The following VPS13C variants were observed in gnomAD, a reference collection of about 807,000 sequenced individuals.
VPS13C encodes intermembrane lipid transfer protein VPS13C.
Under a neutral mutation model 456.8 loss-of-function variants are expected in VPS13C, and 358 were observed. The ratio of observed to expected loss-of-function variants is 0.78; its 90% confidence interval spans 0.72 to 0.86. VPS13C has a LOEUF of 0.86. VPS13C is among the 40% of genes least tolerant of loss of function. VPS13C has a pLI of 0.00. For synonymous variants in VPS13C, 1,578 were observed against 1,486.7 expected (o/e 1.06, Z -1.41); for missense variants, 4,818 against 4,385.4 (o/e 1.10, Z -2.79).
Position 61,929,700 on chromosome 15 carries a change from A to G in VPS13C, c.6087T>C (p.Asp2029=), listed in dbSNP as rs369339080. The change falls in exon 51 of 85, where the codon GAT becomes GAC. Residue 2029 remains aspartate, a synonymous_variant. Coordinates refer to ENST00000644861, the MANE Select transcript of VPS13C (RefSeq NM_020821.3). ...NDQDNNSSMI[D]ISYKQDKNGS... ...CATTTTTGTCTTGTTTGTAACTTAT[A>G]TCAATCATAGAACTGTTGTTATCTT... 1 of 1,613,808 alleles carries G rather than the reference A, an allele frequency of 6.2e-7. No homozygotes were observed.
chr15:61,889,444 T>C (rs1896512858), intron 67 of VPS13C, among the ~76,000 whole-genome samples: 1 of 152,146 alleles, frequency 6.6e-6, no homozygotes, highest in Admixed American at 6.5e-5. Flanking sequence ...TTGCTTTTCT[T>C]TCCCCAAACG....
At chr15:61,981,015 T>C (rs1244221868) in intron 22 of VPS13C, among the ~76,000 whole-genome samples, 2 of 152,196 alleles carry the variant, frequency 1.3e-5, no homozygotes, top group African/African-American at 4.8e-5. Context: ...AATTTCCTAT[T>C]GTCAAATTTA....
chr15:61,918,973 C>T (rs928898089), intron 58 of VPS13C, among the ~76,000 whole-genome samples: 1 of 151,984 alleles, frequency 6.6e-6, no homozygotes, highest in Non-Finnish European at 1.5e-5. Flanking sequence ...ACTACAATTA[C>T]AATAATCCTC....
intron 66 of VPS13C, among the ~76,000 whole-genome samples, chr15:61,899,722 A>G (rs892779380): frequency 1.9e-4 from 29 of 151,166 alleles, no homozygotes; most frequent in Non-Finnish European, 2.8e-4. Flanking sequence ...AAACTATTCC[A>G]ATCAACAGAA....
At chr15:61,971,763 G>A (rs989649522) in intron 27 of VPS13C, among the ~76,000 whole-genome samples, 2 of 152,206 alleles carry the variant, frequency 1.3e-5, no homozygotes, top group Admixed American at 1.3e-4. Flanking sequence ...TATTTTGGAT[G>A]TAGTATGGAG....
chr15:61,854,828 T>C (rs753763652), intron 84 of VPS13C, 43 bp downstream of exon 84: 37 of 1,542,172 alleles, frequency 2.4e-5, no homozygotes, highest in Non-Finnish European at 3.3e-5. Context: ...TAAAAAAGTA[T>C]TTCAGCTAAA....
intron 22 of VPS13C, among the ~76,000 whole-genome samples, chr15:61,980,088 G>T (rs899395392): frequency 2.7e-5 from 4 of 146,806 alleles, no homozygotes; most frequent in Non-Finnish European, 4.5e-5. Flanking sequence ...TGAGGCTGAG[G>T]CAGGAAAATC....
intron 47 of VPS13C, among the ~76,000 whole-genome samples, chr15:61,938,494 G>T (rs1479861422): frequency 6.6e-6 from 1 of 152,078 alleles, no homozygotes; most frequent in Non-Finnish European, 1.5e-5. Flanking sequence ...TGACCAAAGG[G>T]GGGTGTTTAG....
At chr15:61,996,648 T>C (rs554648113) in intron 16 of VPS13C, among the ~76,000 whole-genome samples, 2 of 151,498 alleles carry the variant, frequency 1.3e-5, no homozygotes, top group East Asian at 1.9e-4. Flanking sequence ...GAATCTTCAA[T>C]AGAGAAATGC....
At chr15:61,877,484 G>C (rs1359348834) in intron 74 of VPS13C, among the ~76,000 whole-genome samples, 2 of 96,618 alleles carry the variant, frequency 2.1e-5, no homozygotes, top group African/African-American at 2.9e-5. Flanking sequence ...CCATGTGGCA[G>C]TGTCGTAACA....
At chr15:61,985,068 AT>A in intron 18 of VPS13C, 69 bp from the exon 19 acceptor site, 1 of 1,217,986 alleles carries the variant, frequency 8.2e-7, no homozygotes, top group East Asian at 3.0e-5. Context: ...ATAATTTCTT[AT>A]TTAAATTTGC....
At chr15:61,998,371 A>G (rs2046464983) in intron 16 of VPS13C, among the ~76,000 whole-genome samples, 1 of 152,192 alleles carries the variant, frequency 6.6e-6, no homozygotes, top group South Asian at 2.1e-4. Flanking sequence ...CCCCTACTAC[A>G]ATATAAATAA....
At chr15:61,938,915 A>G (rs914168909) in intron 47 of VPS13C, among the ~76,000 whole-genome samples, 1 of 152,202 alleles carries the variant, frequency 6.6e-6, no homozygotes, top group African/African-American at 2.4e-5. Flanking sequence ...TGCATCTCTT[A>G]TAAACAATAT....
intron 35 of VPS13C, 136 bp from the exon 36 acceptor site, chr15:61,959,731 C>A: frequency 2.5e-6 from 2 of 787,080 alleles, no homozygotes; most frequent in Non-Finnish European, 3.7e-6. Context: ...ATTTTCAAAA[C>A]TGAACCTATA....
At chr15:61,918,660 C>G (rs1478082951) in intron 58 of VPS13C, among the ~76,000 whole-genome samples, 1 of 151,992 alleles carries the variant, frequency 6.6e-6, no homozygotes, top group East Asian at 1.9e-4. Context: ...TGACATCAGT[C>G]TGTTACGCAT....
chr15:62,014,024 T>C, intron 9 of VPS13C, 32 bp from the exon 10 acceptor site: 1 of 1,534,214 alleles, frequency 6.5e-7, no homozygotes, highest in South Asian at 1.1e-5. Flanking sequence ...CTGTGAAACG[T>C]GGTATGGATG....
chr15:61,864,275 A>G (rs1894388749), intron 81 of VPS13C: 4 of 817,136 alleles, frequency 4.9e-6, no homozygotes, highest in Non-Finnish European at 5.9e-6. Flanking sequence ...TTCTAAAAAC[A>G]AATATGAGCA....
intron 48 of VPS13C, chr15:61,935,737 T>G (rs2044207003): frequency 6.6e-6 from 1 of 152,212 alleles, no homozygotes; most frequent in Non-Finnish European, 1.5e-5. Context: ...CCAGAAACCT[T>G]GCACACTGTT....
Position 62,023,820 on chromosome 15 carries a change from T to A in VPS13C, c.474A>T (p.Lys158Asn). 2 of 1,611,048 alleles carry A rather than the reference T, an allele frequency of 1.2e-6. No homozygotes were observed. The highest frequency in any genetic ancestry group is 1.7e-6 in the Non-Finnish European group (2 of 1,178,370). Residue 158 changes from lysine to asparagine, a missense_variant, in exon 7 of 85, where the codon AAA becomes AAT. Lys to Asn is a moderately conservative substitution (Grantham distance 94). Transcript: ENST00000644861. ...GACCTTTAAAAGGTTTCTTAAAATG[T>A]TTTTTGTGCTTTTTACGTTTACGTC... The part of the protein sequence containing the change: ...KPGRKRKKHK[K>N]HFKKPFKGLD...
Sources: allele counts gnomAD v4.1 joint callset (sites outside exome capture counted in the v4.1 genomes callset), GRCh38; gene constraint gnomAD v4.1.1; transcripts MANE v1.5; gene names NCBI Gene and HGNC (gene_info 2026-07-23, HGNC 2026-07-21).